Variants in TCP11L2 observed in about 807,000 individuals in gnomAD.
TCP11L2 encodes t-complex 11 like 2, also known as T-complex protein 11-like protein 2.
A neutral mutation model predicts 50.7 loss-of-function variants in TCP11L2; 39 were observed. That is an observed-to-expected ratio of 0.77 (90% CI 0.60 to 1.01). The LOEUF (loss-of-function observed/expected upper bound fraction) is 1.01, where lower values mean the gene tolerates loss of function less well. Ranked by LOEUF, TCP11L2 falls within the 50% of genes least tolerant of loss-of-function variation. The probability of loss-of-function intolerance (pLI) is 0.00; values close to 1 mark genes in which losing one functional copy is unlikely to be tolerated. For missense variants in TCP11L2, 612 were observed against 614.7 expected (o/e 1.00, Z 0.05); for synonymous variants, 192 against 219.3 (o/e 0.88, Z 1.10).
At chr12:106,300,815 T>G (rs972318444), upstream of TCP11L2, among the ~76,000 whole-genome samples, 2 of 152,228 alleles carry the variant, frequency 1.3e-5, no homozygotes, top group Non-Finnish European at 2.9e-5. Context: ...GCTTTCCTGG[T>G]GGCTTTGAGA....
chr12:106,345,342 T>C (rs1201792039), intron 9 of TCP11L2, among the ~76,000 whole-genome samples: 3 of 152,176 alleles, frequency 2.0e-5, no homozygotes, highest in Non-Finnish European at 4.4e-5. Context: ...AGTCTCTTTT[T>C]AAAATTATGC....
In TCP11L2 at chr12:106,346,358, C is replaced by T. The variant is rs1010594118; in HGVS notation, c.1388C>T (p.Pro463Leu). ...PSPQKCMPPM[P>L]GGLAVIQQEL... ...CCTCAAAAATGCATGCCTCCTATGC[C>T]AGGAGGCCTAGCTGTCATTCAGCAG... is the stretch of plus-strand genomic sequence containing the variant. The change falls in exon 10 of 10, where the codon CCA becomes CTA. Residue 463 changes from proline to leucine, a missense_variant. Physicochemically the swap from Pro to Leu is moderately conservative, Grantham distance 98. Coordinates refer to ENST00000299045, the MANE Select transcript of TCP11L2 (RefSeq NM_152772.3). 9.9e-6 allele frequency: 16 copies of T among 1,613,466 alleles called. No homozygotes were observed. Among genetic ancestry groups the T allele is most frequent in the South Asian group, 2.2e-5 (2 of 91,072 alleles).
chr12:106,309,788 C>T (rs939215059), intron 1 of TCP11L2, among the ~76,000 whole-genome samples: 31 of 151,692 alleles, frequency 2.0e-4, no homozygotes, highest in Admixed American at 1.5e-3. Context: ...TTACTTTCCC[C>T]GGTGCTCAGT....
At chr12:106,317,724 A>G (rs1448714873) in intron 3 of TCP11L2, among the ~76,000 whole-genome samples, 1 of 152,144 alleles carries the variant, frequency 6.6e-6, no homozygotes, top group East Asian at 1.9e-4. Flanking sequence ...TTTTCTAAAA[A>G]CTATTGCTAA....
chr12:106,329,296 G>T, intron 6 of TCP11L2: 1 of 1,535,994 alleles, frequency 6.5e-7, no homozygotes, highest in Non-Finnish European at 8.7e-7. Context: ...TCAAATAAAC[G>T]AATGAGTGGA....
At chr12:106,333,947 C>A (rs2035827838) in intron 6 of TCP11L2, among the ~76,000 whole-genome samples, 1 of 152,116 alleles carries the variant, frequency 6.6e-6, no homozygotes, top group Non-Finnish European at 1.5e-5. Context: ...GCTATAGATA[C>A]AGATTTAGGA....
intron 6 of TCP11L2, among the ~76,000 whole-genome samples, chr12:106,334,442 A>G (rs1365868330): frequency 6.6e-6 from 1 of 152,102 alleles, no homozygotes; most frequent in Admixed American, 6.5e-5. Context: ...CCTATTCTCT[A>G]CATGTAAGTG....
chr12:106,313,237 G>A (rs2034926949), intron 2 of TCP11L2, among the ~76,000 whole-genome samples: 1 of 152,138 alleles, frequency 6.6e-6, no homozygotes, highest in African/African-American at 2.4e-5. Context: ...ATACCAATTG[G>A]CAAAACTCAG....
chr12:106,328,839 G>A (rs941128908), intron 6 of TCP11L2, among the ~76,000 whole-genome samples: 1 of 152,124 alleles, frequency 6.6e-6, no homozygotes, highest in African/African-American at 2.4e-5. Flanking sequence ...GGATAGCAAG[G>A]CTCCATTGTC....
Position 106,323,440 on chromosome 12 carries a change from A to G in TCP11L2, c.636-70A>G, listed in dbSNP as rs962455757. The G allele has an allele frequency of 6.5e-6, 9 of 1,379,164 alleles. No individual in the cohort carries two copies. In the Admixed American group the frequency reaches 1.1e-4, roughly 17 times the overall value. The allele number at this position is 1,379,164 out of a possible 1,614,324, so 85.4% of individuals were successfully genotyped here. ...ATGTTTATTGTTTTCAGCCTGGAAC[A>G]TAGATCATTGTTAGTGAATTTCAGC... On this transcript the variant is annotated intron_variant, in intron 5 of 9. Transcript: ENST00000299045.
chr12:106,334,523 G>T (rs993018991), intron 6 of TCP11L2, among the ~76,000 whole-genome samples: 2 of 151,944 alleles, frequency 1.3e-5, no homozygotes, highest in African/African-American at 4.8e-5. Context: ...CACTTCCACT[G>T]CCCTTATCCA....
chr12:106,318,493 A>G, intron 4 of TCP11L2, 29 bp downstream of exon 4: 3 of 1,610,650 alleles, frequency 1.9e-6, no homozygotes, highest in Non-Finnish European at 2.5e-6. Context: ...TGTGTCAGTT[A>G]GCGTCTTACT....
intron 9 of TCP11L2, among the ~76,000 whole-genome samples, chr12:106,343,848 G>A (rs945675339): frequency 1.3e-5 from 2 of 151,582 alleles, no homozygotes; most frequent in African/African-American, 2.4e-5. Flanking sequence ...TAGTAGAGAC[G>A]GGGTTCCACC....
intron 6 of TCP11L2, 34 bp from the exon 7 acceptor site, chr12:106,335,605 C>A: frequency 6.2e-7 from 1 of 1,604,348 alleles, no homozygotes; most frequent in Non-Finnish European, 8.5e-7. Flanking sequence ...GATCAATCAG[C>A]TGTAGAACAA....
chr12:106,345,948 C>T (rs10861578), intron 9 of TCP11L2, among the ~76,000 whole-genome samples: 36,562 of 152,054 alleles, frequency 0.24, 4,888 homozygotes, highest in African/African-American at 0.35. Context: ...CTCCAGCAAG[C>T]CCAGGCCTAT....
chr12:106,341,140 A>G (rs771965090), intron 9 of TCP11L2, 142 bp downstream of exon 9: 8 of 718,098 alleles, frequency 1.1e-5, no homozygotes, highest in Middle Eastern at 7.9e-4. Context: ...AAGAAATATT[A>G]ATGTTTTCAA....
upstream of TCP11L2, among the ~76,000 whole-genome samples, chr12:106,299,701 G>A (rs2034382392): frequency 6.6e-6 from 1 of 152,084 alleles, no homozygotes; most frequent in Admixed American, 6.6e-5. Flanking sequence ...AGAGAAATAG[G>A]GGACAAGATC....
intron 5 of TCP11L2, 34 bp from the exon 6 acceptor site, chr12:106,323,476 A>C (rs773470506): frequency 6.6e-7 from 1 of 1,516,048 alleles, no homozygotes; most frequent in Admixed American, 1.9e-5. Flanking sequence ...TTCACTTCTT[A>C]ATCATCTCTC....
intron 9 of TCP11L2, among the ~76,000 whole-genome samples, chr12:106,341,690 TCTC>T (rs2036098454): frequency 6.6e-6 from 1 of 152,202 alleles, no homozygotes; most frequent in South Asian, 2.1e-4. Context: ...AACACTACCT[TCTC>T]CTGGGCCAGC....
Sources: gnomAD v4.1 joint callset for allele counts (sites outside exome capture counted in the v4.1 genomes callset) on GRCh38, gnomAD v4.1.1 for gene constraint, MANE v1.5 for transcripts, NCBI Gene and HGNC (gene_info 2026-07-23, HGNC 2026-07-21) for gene names.